MDGA2: variants seen among roughly 807,000 people sequenced by gnomAD.
MDGA2 encodes the protein MAM domain-containing glycosylphosphatidylinositol anchor protein 2.
In MDGA2, 40 loss-of-function variants were observed where a neutral mutation model predicts 117.8. The observed-to-expected ratio is 0.34, with a 90% confidence interval of 0.26 to 0.44. MDGA2 has a LOEUF of 0.44. Among genes scored for constraint, MDGA2 ranks in the 20% least tolerant of loss-of-function variants. The pLI, the probability that MDGA2 is intolerant of heterozygous loss-of-function variation, is 1.00. For missense variants in MDGA2, 1,123 were observed against 1,250.6 expected (o/e 0.90, Z 1.54); for synonymous variants, 452 against 439.0 (o/e 1.03, Z -0.37).
intron 3 of MDGA2, among the ~76,000 whole-genome samples, chr14:47,188,602 G>T (rs1234196829): frequency 6.6e-6 from 1 of 152,064 alleles, no homozygotes; most frequent in Admixed American, 6.6e-5. Context: ...AATAAATGTT[G>T]GTTATTTTAA....
chr14:47,361,413 C>A (rs1891122513), intron 1 of MDGA2, among the ~76,000 whole-genome samples: 1 of 152,076 alleles, frequency 6.6e-6, no homozygotes, highest in Admixed American at 6.6e-5. Flanking sequence ...AAATAAATTT[C>A]TGATGTTGAA....
intron 16 of MDGA2, 38 bp downstream of exon 16, chr14:46,845,728 A>G (rs1281829796): frequency 8.0e-7 from 1 of 1,251,728 alleles, no homozygotes; most frequent in Non-Finnish European, 1.1e-6. Flanking sequence ...ATGTTACTTT[A>G]ACGTTACAAC....
chr14:47,129,227 C>T (rs1455475116), intron 5 of MDGA2, among the ~76,000 whole-genome samples: 2 of 151,620 alleles, frequency 1.3e-5, no homozygotes, highest in African/African-American at 2.4e-5. Context: ...GTATATCTCC[C>T]AATGCTATAG....
At chr14:46,954,930 C>T (rs930688733) in intron 9 of MDGA2, among the ~76,000 whole-genome samples, 6 of 151,980 alleles carry the variant, frequency 3.9e-5, no homozygotes, top group Admixed American at 2.0e-4. Context: ...CTCTTTTGTT[C>T]ATCCTCCATC....
intron 3 of MDGA2, among the ~76,000 whole-genome samples, chr14:47,175,386 T>A (rs373225503): frequency 6.6e-6 from 1 of 151,390 alleles, no homozygotes; most frequent in Non-Finnish European, 1.5e-5. Context: ...TGAACATTGA[T>A]GCAAAAATCC....
intron 5 of MDGA2, among the ~76,000 whole-genome samples, chr14:47,103,747 G>A (rs552591950): frequency 6.6e-6 from 1 of 152,316 alleles, no homozygotes; most frequent in Admixed American, 6.5e-5. Context: ...TCCTAAATGA[G>A]AGATTCCCTA....
Position 47,441,704 on chromosome 14 carries a change from T to C in MDGA2, c.281-140154A>G, listed in dbSNP as rs140250422. ...ACAACATACGACAACTAGCAGAGTATCACAATATATACTTGGTAGATAAAC... is the reference window on the plus strand; with the variant it reads ...ACAACATACGACAACTAGCAGAGTACCACAATATATACTTGGTAGATAAAC... On this transcript the variant is annotated intron_variant, in intron 1 of 16. Coordinates refer to ENST00000399232, the MANE Select transcript of MDGA2 (RefSeq NM_001113498.3). Among the ~76,000 whole-genome samples, 578 of 152,274 alleles carry C rather than the reference T, an allele frequency of 3.8e-3. 7 individuals are homozygous for C. Among genetic ancestry groups the C allele is most frequent in the African/African-American group, 0.012 (509 of 41,564 alleles).
intron 1 of MDGA2, among the ~76,000 whole-genome samples, chr14:47,580,462 G>A (rs1399344186): frequency 6.6e-6 from 1 of 151,928 alleles, no homozygotes; most frequent in African/African-American, 2.4e-5. Flanking sequence ...TCAATTTTGA[G>A]GGTATACAAA....
intron 10 of MDGA2, among the ~76,000 whole-genome samples, chr14:46,888,812 A>G (rs1171871004): frequency 6.6e-6 from 1 of 151,938 alleles, no homozygotes; most frequent in African/African-American, 2.4e-5. Context: ...AGGAAATGCA[A>G]CAACTGAATA....
chr14:47,111,733 AG>A (rs1188202856), intron 5 of MDGA2, among the ~76,000 whole-genome samples: 2 of 152,208 alleles, frequency 1.3e-5, no homozygotes, highest in East Asian at 3.8e-4. Context: ...GGAGAGCAAC[AG>A]TAGCAGTTGG....
At chr14:47,299,836 A>G (rs1019922435) in intron 2 of MDGA2, among the ~76,000 whole-genome samples, 10 of 152,102 alleles carry the variant, frequency 6.6e-5, no homozygotes, top group Non-Finnish European at 7.4e-5. Flanking sequence ...CATTATGACA[A>G]TTTTATTCTT....
rs187982665 is a variant in MDGA2, at chr14:47,348,332, C to T, written c.281-46782G>A. Among the ~76,000 whole-genome samples, 10 of 151,930 alleles carry T rather than the reference C, an allele frequency of 6.6e-5. No individual in the cohort carries two copies. In the East Asian group the frequency reaches 1.8e-3, roughly 27 times the overall value. On this transcript the variant is annotated intron_variant, in intron 1 of 16. Transcript: ENST00000399232. The stretch of plus-strand genomic sequence containing the variant: ...GTTCAAGCGATTCTCATGCCTCAGG[C>T]TCCAGAGTAGCTGAGATTACAGGCG...
At chr14:47,273,084 GAAC>G (rs1168943823) in intron 2 of MDGA2, among the ~76,000 whole-genome samples, 2 of 152,046 alleles carry the variant, frequency 1.3e-5, no homozygotes, top group Non-Finnish European at 2.9e-5. Flanking sequence ...CTGATAAGCA[GAAC>G]AACTCTGTCC....
chr14:47,237,810 G>C (rs1886913844), intron 2 of MDGA2, among the ~76,000 whole-genome samples: 1 of 152,010 alleles, frequency 6.6e-6, no homozygotes, highest in Admixed American at 6.6e-5. Context: ...GCTTGCCCAA[G>C]TCACCATCAT....
intron 3 of MDGA2, among the ~76,000 whole-genome samples, chr14:47,153,690 A>AAAAAG (rs1219264031): frequency 6.6e-6 from 1 of 151,888 alleles, no homozygotes; most frequent in South Asian, 2.1e-4. Flanking sequence ...GTACAGGCAA[A>AAAAAG]AAAAGAAAAG....
intron 9 of MDGA2, among the ~76,000 whole-genome samples, chr14:46,929,816 T>C (rs910368636): frequency 3.3e-5 from 5 of 150,206 alleles, no homozygotes; most frequent in Admixed American, 1.3e-4. Context: ...TTTGTATTTT[T>C]AGTAGAGACA....
At chr14:47,523,082 T>C (rs1051102448) in intron 1 of MDGA2, among the ~76,000 whole-genome samples, 1 of 152,214 alleles carries the variant, frequency 6.6e-6, no homozygotes, top group African/African-American at 2.4e-5. Flanking sequence ...TACATTTATA[T>C]AGTTATCAAA....
At chr14:47,323,190 A>ATATG (rs1284194649) in intron 1 of MDGA2, among the ~76,000 whole-genome samples, 1 of 115,442 alleles carries the variant, frequency 8.7e-6, no homozygotes, top group African/African-American at 3.4e-5. Flanking sequence ...ATATATATAT[A>ATATG]TATGGTATAT....
chr14:47,536,609 G>A (rs543190176), intron 1 of MDGA2, among the ~76,000 whole-genome samples: 3 of 152,168 alleles, frequency 2.0e-5, no homozygotes, highest in Non-Finnish European at 2.9e-5. Flanking sequence ...TTATACCGTT[G>A]TAAGAAATAA....
Sources: gnomAD v4.1 joint callset for allele counts (sites outside exome capture counted in the v4.1 genomes callset) on GRCh38, gnomAD v4.1.1 for gene constraint, MANE v1.5 for transcripts, NCBI Gene and HGNC (gene_info 2026-07-23, HGNC 2026-07-21) for gene names.